The following WWP2 variants were observed in gnomAD, a reference collection of about 807,000 sequenced individuals.
WWP2 encodes the protein NEDD4-like E3 ubiquitin-protein ligase WWP2.
WWP2 carries 57 observed loss-of-function variants against 121.0 expected under a neutral mutation model. The observed-to-expected ratio is 0.47, with a 90% CI of 0.38 to 0.59. WWP2 has a LOEUF of 0.59. Among genes scored for constraint, WWP2 ranks in the 20% least tolerant of loss-of-function variants. The pLI is 0.00. For missense variants in WWP2, 962 were observed against 1,158.9 expected (o/e 0.83, Z 2.47); for synonymous variants, 449 against 441.3 (o/e 1.02, Z -0.22).
intron 4 of WWP2, among the ~76,000 whole-genome samples, chr16:69,831,179 T>C (rs1050991291): frequency 1.3e-5 from 2 of 152,288 alleles, no homozygotes; most frequent in East Asian, 3.9e-4. Flanking sequence ...TTTAAAAAAT[T>C]CTCCTTTCTT....
intron 1 of WWP2, among the ~76,000 whole-genome samples, chr16:69,767,012 C>T (rs1256809129): frequency 1.3e-5 from 2 of 151,868 alleles, no homozygotes; most frequent in African/African-American, 4.8e-5. Context: ...CCTCGGCCTC[C>T]CAAAGTACTG....
chr16:69,844,324 G>C (rs2057030865), intron 6 of WWP2, among the ~76,000 whole-genome samples: 1 of 152,006 alleles, frequency 6.6e-6, no homozygotes. Context: ...CGGTGGGCGA[G>C]GAATACTTGA....
chr16:69,797,104 G>A (rs2056063305), intron 2 of WWP2, among the ~76,000 whole-genome samples: 1 of 152,174 alleles, frequency 6.6e-6, no homozygotes, highest in East Asian at 1.9e-4. Context: ...CTAGCGACCT[G>A]GCGTTTCCAC....
At chr16:69,786,652 T>C (rs1011775522) in intron 1 of WWP2, among the ~76,000 whole-genome samples, 1 of 151,820 alleles carries the variant, frequency 6.6e-6, no homozygotes, top group East Asian at 1.9e-4. Flanking sequence ...GGTTTTGCCA[T>C]GTTGGTCAGG....
intron 1 of WWP2, among the ~76,000 whole-genome samples, chr16:69,783,721 G>A (rs1421951568): frequency 6.6e-6 from 1 of 152,016 alleles, no homozygotes; most frequent in Non-Finnish European, 1.5e-5. Flanking sequence ...TGCGGCAGAA[G>A]AATAGCTTGA....
chr16:69,782,834 TG>T (rs1190281738), intron 1 of WWP2, among the ~76,000 whole-genome samples: 3 of 152,116 alleles, frequency 2.0e-5, no homozygotes, highest in African/African-American at 7.2e-5. Context: ...TTATTTAAAT[TG>T]AAATTTAAAT....
At chr16:69,830,662 G>A (rs1301979521) in intron 4 of WWP2, among the ~76,000 whole-genome samples, 1 of 152,190 alleles carries the variant, frequency 6.6e-6, no homozygotes, top group African/African-American at 2.4e-5. Context: ...AGTAAGCAGA[G>A]TCAGCATTGG....
intron 2 of WWP2, among the ~76,000 whole-genome samples, chr16:69,791,971 A>G (rs916720982): frequency 6.6e-6 from 1 of 152,160 alleles, no homozygotes; most frequent in Non-Finnish European, 1.5e-5. Flanking sequence ...GGTGTATCTC[A>G]TTATACACAT....
At chr16:69,915,305 A>G (rs1390463642) in intron 9 of WWP2, among the ~76,000 whole-genome samples, 2 of 152,272 alleles carry the variant, frequency 1.3e-5, no homozygotes, top group East Asian at 3.8e-4. Flanking sequence ...GTGAGTTTCC[A>G]TATTGAGAGG....
intron 10 of WWP2, among the ~76,000 whole-genome samples, chr16:69,918,845 C>CTTTT (rs113707256): frequency 1.4e-5 from 2 of 139,600 alleles, no homozygotes; most frequent in Non-Finnish European, 3.1e-5. Context: ...CCTTTTCTTT[C>CTTTT]TTTTTTTTTT....
intron 7 of WWP2, among the ~76,000 whole-genome samples, chr16:69,880,302 A>G (rs1192971669): frequency 6.6e-6 from 1 of 152,028 alleles, no homozygotes; most frequent in African/African-American, 2.4e-5. Flanking sequence ...CACTTTTAAC[A>G]TTCTTACATA....
rs2058751453 is a variant in WWP2 at position 69,933,572 on chromosome 16, AATT to A, written c.1683-394_1683-392del. On this transcript the variant is annotated intron_variant, in intron 16 of 23. Transcript: ENST00000359154. The stretch of plus-strand genomic sequence containing the variant: ...TATTCAAACAGAACCTTTGCAGAAA[AATT>A]ATTGTAATAAACATGCATCGTGCCC... Among the ~76,000 whole-genome samples, 5 of 152,280 alleles carry A rather than the reference AATT, an allele frequency of 3.3e-5. No homozygotes were observed. In the South Asian group the frequency reaches 1.0e-3, roughly 32 times the overall value.
Position 69,891,530 on chromosome 16 carries a change from A to T in WWP2, c.914+3281A>T, listed in dbSNP as rs112657942. ...ACTGTTGATTCTTTCATTAGACAGA[A>T]TATCTGTTACTATTTAAGAGACAGC... On this transcript the variant is annotated intron_variant, in intron 8 of 23. Transcript: ENST00000359154. 2.0e-3 allele frequency among the ~76,000 whole-genome samples: 301 copies of T among 152,322 alleles called. 4 individuals are homozygous for T. The highest frequency in any genetic ancestry group is 6.8e-3 in the African/African-American group (281 of 41,574).
At chr16:69,921,738 A>T (rs1162567495) in intron 10 of WWP2, among the ~76,000 whole-genome samples, 1 of 152,112 alleles carries the variant, frequency 6.6e-6, no homozygotes, top group African/African-American at 2.4e-5. Context: ...GGACTATCAC[A>T]CGGCCGACAA....
intron 9 of WWP2, chr16:69,910,533 C>G (rs924100899): frequency 4.6e-6 from 1 of 218,572 alleles, no homozygotes; most frequent in African/African-American, 2.4e-5. Flanking sequence ...TCTCAGCCTC[C>G]TAAGTAGCTG....
intron 21 of WWP2, 98 bp from the exon 22 acceptor site, chr16:69,938,929 C>T (rs1209283184): frequency 9.0e-7 from 1 of 1,113,734 alleles, no homozygotes; most frequent in Non-Finnish European, 1.3e-6. Flanking sequence ...TGTTCTCAGC[C>T]CCAAAGAGGG....
chr16:69,851,670 G>T (rs2057216351), intron 6 of WWP2, among the ~76,000 whole-genome samples: 1 of 152,106 alleles, frequency 6.6e-6, no homozygotes, highest in African/African-American at 2.4e-5. Flanking sequence ...TAGTGTGCAG[G>T]TTTCTGTGCA....
At chr16:69,934,229 C>T (rs1027901012) in intron 17 of WWP2, 100 bp downstream of exon 17, 14 of 1,443,592 alleles carry the variant, frequency 9.7e-6, no homozygotes, top group Non-Finnish European at 1.3e-5. Flanking sequence ...TCTGCTCTTT[C>T]TCTGAGACCT....
At chr16:69,911,082 G>A (rs1455229694) in intron 9 of WWP2, among the ~76,000 whole-genome samples, 3 of 152,204 alleles carry the variant, frequency 2.0e-5, no homozygotes, top group Non-Finnish European at 4.4e-5. Context: ...CTCCAGGGAA[G>A]TATTAACCAT....
Sources: gnomAD v4.1 joint callset for allele counts (sites outside exome capture counted in the v4.1 genomes callset) on GRCh38, gnomAD v4.1.1 for gene constraint, MANE v1.5 for transcripts, NCBI Gene and HGNC (gene_info 2026-07-23, HGNC 2026-07-21) for gene names.